Variants in GPT2 observed in about 807,000 individuals in gnomAD.
GPT2 encodes the protein alanine aminotransferase 2.
In GPT2, 30 loss-of-function variants were observed where a neutral mutation model predicts 56.9. That is an observed-to-expected ratio of 0.53 (90% CI 0.39 to 0.72). GPT2 has a LOEUF of 0.72. Among genes scored for constraint, GPT2 ranks in the 30% least tolerant of loss-of-function variants. The pLI is 0.00. For missense variants in GPT2, 542 were observed against 703.4 expected (o/e 0.77, Z 2.60); for synonymous variants, 271 against 283.1 (o/e 0.96, Z 0.43).
Position 46,929,095 on chromosome 16 carries a change from CA to C in GPT2, c.*99del. On this transcript the variant is annotated 3_prime_UTR_variant, in exon 12 of 12. Transcript: ENST00000340124. Reference sequence around the variant, plus strand: ...CCCCGTGACTCTGCCTCGGGCCTCGCAGAGGCCGCTGGTCACTTCGTCATCA... The same window carrying C: ...CCCCGTGACTCTGCCTCGGGCCTCGCGAGGCCGCTGGTCACTTCGTCATCA... 5 of 886,012 alleles carry C rather than the reference CA, an allele frequency of 5.6e-6. No individual in the cohort carries two copies. Among genetic ancestry groups the C allele is most frequent in the Non-Finnish European group, 9.4e-6 (5 of 532,306 alleles). The allele number at this position is 886,012 out of a possible 1,614,324, so 54.9% of individuals were successfully genotyped here.
chr16:46,913,735 G>C (rs1007926226), intron 6 of GPT2, among the ~76,000 whole-genome samples: 4 of 152,064 alleles, frequency 2.6e-5, no homozygotes, highest in African/African-American at 9.7e-5. Context: ...TCTATATACT[G>C]TTTTGCATAT....
chr16:46,899,005 A>ATGTG (rs1960756977), intron 3 of GPT2, among the ~76,000 whole-genome samples: 3 of 2,014 alleles, frequency 1.5e-3, no homozygotes, highest in African/African-American at 1.6e-3. Flanking sequence ...ACACATATAT[A>ATGTG]TATATATATA....
rs1961525595 is a variant in GPT2 at position 46,930,599 on chromosome 16, T to C, written c.*1602T>C. ...TTCTTCCTTAAAAAATGGAGAAAAT[T>C]GCACTTGTGCTTGCTGTGTGGTATA... is the stretch of plus-strand genomic sequence containing the variant. On this transcript the variant is annotated 3_prime_UTR_variant, in exon 12 of 12. Coordinates refer to ENST00000340124, the MANE Select transcript of GPT2 (RefSeq NM_133443.4). 6.6e-6 allele frequency: 1 copy of C among 152,470 alleles called. No homozygotes were observed. The allele number at this position is 152,470 out of a possible 1,614,324, so 9.4% of individuals were successfully genotyped here. A position where few individuals can be genotyped will look rare whatever the true frequency, so the allele number is the denominator to read the frequency against.
At position 46,926,910 on chromosome 16, in the gene GPT2, T is replaced by G; in HGVS notation, c.1369-15T>G. 6.7e-7 allele frequency: 1 copy of G among 1,503,234 alleles called. No homozygotes were observed. Among genetic ancestry groups the G allele is most frequent in the East Asian group, 2.4e-5 (1 of 42,192 alleles). The allele number at this position is 1,503,234 out of a possible 1,614,324, so 93.1% of individuals were successfully genotyped here. A position where few individuals can be genotyped will look rare whatever the true frequency, so the allele number is the denominator to read the frequency against. ...CAAAGCCAGGAATGATCATGAGCTC[T>G]GTCTGCTCCCATAGGCCCATCAAAT... is the stretch of plus-strand genomic sequence containing the variant. On this transcript the variant is annotated splice_polypyrimidine_tract_variant and intron_variant, in intron 10 of 11. Coordinates refer to ENST00000340124, the MANE Select transcript of GPT2 (RefSeq NM_133443.4).
chr16:46,919,258 C>T (rs1427512950), intron 8 of GPT2, among the ~76,000 whole-genome samples: 2 of 152,178 alleles, frequency 1.3e-5, no homozygotes, highest in Non-Finnish European at 2.9e-5. Flanking sequence ...CCGCGGATGC[C>T]GCAGCGAACA....
At chr16:46,913,439 G>A (rs945718170) in intron 6 of GPT2, among the ~76,000 whole-genome samples, 1 of 152,210 alleles carries the variant, frequency 6.6e-6, no homozygotes, top group Admixed American at 6.5e-5. Context: ...TTCTCTGTCT[G>A]TGAGAATAGT....
intron 2 of GPT2, among the ~76,000 whole-genome samples, chr16:46,885,959 G>A (rs1422265386): frequency 6.6e-6 from 1 of 152,198 alleles, no homozygotes; most frequent in Admixed American, 6.5e-5. Context: ...CGGGTCACTA[G>A]TGTCCCATGA....
chr16:46,898,424 G>A (rs1382523351), intron 3 of GPT2, among the ~76,000 whole-genome samples: 1 of 152,232 alleles, frequency 6.6e-6, no homozygotes, highest in Non-Finnish European at 1.5e-5. Flanking sequence ...TGGGATTATG[G>A]GATTGGTGGG....
Position 46,929,082 on chromosome 16 carries a change from G to T in GPT2, c.*85G>T. 1 of 1,035,944 alleles carries T rather than the reference G, an allele frequency of 9.7e-7. No homozygotes were observed. The highest frequency in any genetic ancestry group is 1.5e-6 in the Non-Finnish European group (1 of 662,868). 64.2% of individuals were successfully genotyped at this position (1,035,944 alleles called of 1,614,324 possible). A position where few individuals can be genotyped will look rare whatever the true frequency, so the allele number is the denominator to read the frequency against. On this transcript the variant is annotated 3_prime_UTR_variant, in exon 12 of 12. Coordinates refer to ENST00000340124, the MANE Select transcript of GPT2 (RefSeq NM_133443.4). ...CTGAACTCGCCTCCCCCGTGACTCT[G>T]CCTCGGGCCTCGCAGAGGCCGCTGG...
Position 46,921,336 on chromosome 16 carries a change from G to A in GPT2, c.1038-906G>A, listed in dbSNP as rs140654083. 9.2e-5 allele frequency among the ~76,000 whole-genome samples: 14 copies of A among 152,294 alleles called. No homozygotes were observed. In the East Asian group the frequency reaches 2.1e-3, roughly 23 times the overall value. On this transcript the variant is annotated intron_variant, in intron 8 of 11. Transcript: ENST00000340124. ...TTACAGGCATGCACCACCATGCCAAGCTAATTTTTGTGTTTTTAGTAGAGA... is the reference window on the plus strand; with the variant it reads ...TTACAGGCATGCACCACCATGCCAAACTAATTTTTGTGTTTTTAGTAGAGA...
intron 2 of GPT2, chr16:46,885,478 A>G: frequency 2.0e-6 from 2 of 985,384 alleles, no homozygotes; most frequent in Non-Finnish European, 2.4e-6. Flanking sequence ...GTCTTTGCCA[A>G]TCCTGATTCC....
chr16:46,906,869 A>T lies in GPT2; in HGVS notation c.470A>T (p.Asn157Ile). The change falls in exon 5 of 12, where the codon AAC becomes ATC. Residue 157 changes from asparagine (N) to isoleucine (I), a missense_variant. Asn to Ile is a moderately radical substitution (Grantham distance 149, BLOSUM62 -3). Transcript: ENST00000340124. ...TCCTACAGTGCTAGCCAGGGTGTCA[A>T]CTGCATCCGTGAAGATGTGGCTGCC... ...LGSYSASQGV[N>I]CIREDVAAYI... The T allele has an allele frequency of 6.2e-7, 1 of 1,614,200 alleles. No homozygotes were observed. The highest frequency in any genetic ancestry group is 8.5e-7 in the Non-Finnish European group (1 of 1,180,032).
intron 4 of GPT2, among the ~76,000 whole-genome samples, chr16:46,903,364 A>G (rs1378602799): frequency 2.0e-5 from 3 of 151,106 alleles, no homozygotes; most frequent in Non-Finnish European, 4.4e-5. Flanking sequence ...GCTGGAGTGC[A>G]GTGGTGCAAT....
intron 11 of GPT2, among the ~76,000 whole-genome samples, chr16:46,928,466 T>TA (rs1375188158): frequency 6.6e-6 from 1 of 151,758 alleles, no homozygotes; most frequent in Non-Finnish European, 1.5e-5. Flanking sequence ...CTTCTAAAAA[T>TA]ACAAAAATTA....
At chr16:46,898,722 G>A (rs961025339) in intron 3 of GPT2, among the ~76,000 whole-genome samples, 4 of 150,354 alleles carry the variant, frequency 2.7e-5, no homozygotes, top group Admixed American at 6.6e-5. Flanking sequence ...GCTGATTTTT[G>A]TATTTTTGGT....
At chr16:46,928,824 T>TC in intron 11 of GPT2, 83 bp from the exon 12 acceptor site, 1 of 1,031,332 alleles carries the variant, frequency 9.7e-7, no homozygotes, top group Non-Finnish European at 1.5e-6. Context: ...CCTCTTCCAT[T>TC]CCTAGAGGCA....
At chr16:46,891,984 T>G (rs974888076) in intron 2 of GPT2, among the ~76,000 whole-genome samples, 2 of 148,188 alleles carry the variant, frequency 1.3e-5, no homozygotes, top group Non-Finnish European at 3.0e-5. Flanking sequence ...GTTTTTAAAA[T>G]TTTTTAGCTC....
Position 46,884,947 on chromosome 16 carries a change from G to C in GPT2, c.232G>C (p.Glu78Gln). Reference sequence around the variant, plus strand: ...GCTCAAGGCCGGCGAGATCGAGCTCGAGCTGCAGCGGGTGAGCGCGCGCTG... The same window carrying C: ...GCTCAAGGCCGGCGAGATCGAGCTCCAGCTGCAGCGGGTGAGCGCGCGCTG... ...IVLKAGEIEL[E>Q]LQRGIKKPFT... Residue 78 changes from glutamate to glutamine, a missense_variant, in exon 2 of 12, where the codon GAG (glutamate) becomes CAG (glutamine). By Grantham distance (29) the Glu-to-Gln change is conservative. Transcript: ENST00000340124. 5.9e-6 allele frequency: 9 copies of C among 1,515,460 alleles called. No individual in the cohort carries two copies. Among genetic ancestry groups the C allele is most frequent in the Non-Finnish European group, 8.0e-6 (9 of 1,128,544 alleles). The allele number at this position is 1,515,460 out of a possible 1,614,324, so 93.9% of individuals were successfully genotyped here.
Position 46,884,963 on chromosome 16 carries a change from G to C in GPT2, c.243+5G>C. ...ATCGAGCTCGAGCTGCAGCGGGTGAGCGCGCGCTGGGCCCCGGGGAGGCTG... is the reference window on the plus strand; with the variant it reads ...ATCGAGCTCGAGCTGCAGCGGGTGACCGCGCGCTGGGCCCCGGGGAGGCTG... On this transcript the variant is annotated splice_donor_5th_base_variant and intron_variant, in intron 2 of 11. Coordinates refer to ENST00000340124, the MANE Select transcript of GPT2 (RefSeq NM_133443.4). The C allele has an allele frequency of 6.7e-7, 1 of 1,489,560 alleles. No individual in the cohort carries two copies. The allele number at this position is 1,489,560 out of a possible 1,614,324, so 92.3% of individuals were successfully genotyped here. A position where few individuals can be genotyped will look rare whatever the true frequency, so the allele number is the denominator to read the frequency against.
Sources: allele counts gnomAD v4.1 joint callset (sites outside exome capture counted in the v4.1 genomes callset), GRCh38; gene constraint gnomAD v4.1.1; transcripts MANE v1.5; gene names NCBI Gene and HGNC (gene_info 2026-07-23, HGNC 2026-07-21).